ANAPC1: variants seen among roughly 807,000 people sequenced by gnomAD.
ANAPC1 encodes anaphase promoting complex subunit 1.
ANAPC1 carries 36 observed loss-of-function variants against 208.0 expected under a neutral mutation model. The observed-to-expected ratio is 0.17, with a 90% confidence interval of 0.13 to 0.23. The LOEUF is 0.23. ANAPC1 is among the 10% of genes least tolerant of loss of function. The pLI, the probability that ANAPC1 is intolerant of heterozygous loss-of-function variation, is 1.00. For synonymous variants in ANAPC1, 378 were observed against 695.2 expected, an observed-to-expected ratio of 0.54 and a Z score of 7.18; for missense variants, 942 against 2,011.6, an observed-to-expected ratio of 0.47 and a Z score of 10.17.
At chr2:111,878,487 A>G (rs1683129736) in intron 3 of ANAPC1, among the ~76,000 whole-genome samples, 1 of 152,210 alleles carries the variant, frequency 6.6e-6, no homozygotes, top group Non-Finnish European at 1.5e-5. Context: ...CAATTATAGT[A>G]ATCATGTGTT....
intron 24 of ANAPC1, among the ~76,000 whole-genome samples, chr2:111,823,266 C>G (rs894655892): frequency 3.3e-5 from 5 of 151,842 alleles, no homozygotes; most frequent in African/African-American, 1.2e-4. Flanking sequence ...ATCCACCCGC[C>G]TCGGCCTCCC....
At position 111,767,760 on chromosome 2, in the gene ANAPC1, A is replaced by C. The variant is rs1470418094; in HGVS notation, c.*1531T>G. 2.6e-5 allele frequency: 4 copies of C among 151,126 alleles called. No homozygotes were observed. The East Asian group carries it at 7.8e-4, about 29-fold the overall frequency. 9.4% of individuals were successfully genotyped at this position (151,126 alleles called of 1,614,324 possible). ...ATCTTGATTCAAATGGAATTTTCAT[A>C]ATCTACCACTTAAAATTTATTTTTA... On this transcript the variant is annotated 3_prime_UTR_variant, in exon 48 of 48. Coordinates refer to ENST00000341068, the MANE Select transcript of ANAPC1 (RefSeq NM_022662.4).
chr2:111,860,142 A>G (rs1681976186), intron 10 of ANAPC1, among the ~76,000 whole-genome samples: 1 of 151,776 alleles, frequency 6.6e-6, no homozygotes, highest in East Asian at 1.9e-4. Context: ...TGCAAAAATT[A>G]CAAAAAATTA....
chr2:111,833,967 CACACAAGTATG>C (rs1174077461), intron 19 of ANAPC1, among the ~76,000 whole-genome samples: 1 of 152,198 alleles, frequency 6.6e-6, no homozygotes, highest in Non-Finnish European at 1.5e-5. Flanking sequence ...GGTCAAACAA[CACACAAGTATG>C]ACCCTAGAAT....
chr2:111,851,053 A>T, intron 13 of ANAPC1, 143 bp from the exon 14 acceptor site: 1 of 1,089,010 alleles, frequency 9.2e-7, no homozygotes, highest in East Asian at 2.7e-5. Context: ...GAAACAATTC[A>T]AATGTCAATA....
intron 17 of ANAPC1, 39 bp downstream of exon 17, chr2:111,843,373 A>G (rs1680872529): frequency 6.2e-7 from 1 of 1,605,320 alleles, no homozygotes; most frequent in Non-Finnish European, 8.5e-7. Context: ...CATTACATTA[A>G]CAGAATAACT....
chr2:111,879,582 T>C (rs1388644069), intron 2 of ANAPC1, among the ~76,000 whole-genome samples: 5 of 152,178 alleles, frequency 3.3e-5, no homozygotes, highest in African/African-American at 1.2e-4. Context: ...ACTTAAGAAC[T>C]ATTACTCGCC....
intron 2 of ANAPC1, among the ~76,000 whole-genome samples, chr2:111,879,646 G>A (rs1267237089): frequency 1.3e-5 from 2 of 152,090 alleles, no homozygotes; most frequent in African/African-American, 2.4e-5. Flanking sequence ...CGTGGCAGGT[G>A]GATCACCTGA....
Position 111,825,858 on chromosome 2 carries a change from G to C in ANAPC1, c.2626-3C>G. On this transcript the variant is annotated splice_polypyrimidine_tract_variant and splice_region_variant and intron_variant, in intron 21 of 47. Transcript: ENST00000341068. ...CCAAGTATGTACAGTGCAATACTCT[G>C]CAAAGGAAGAAAATTAACATTATTT... 1 of 1,597,264 alleles carries C rather than the reference G, an allele frequency of 6.3e-7. No individual in the cohort carries two copies. Among genetic ancestry groups the C allele is most frequent in the Non-Finnish European group, 8.5e-7 (1 of 1,170,030 alleles).
chr2:111,787,585 G>A (rs191720199), intron 39 of ANAPC1, among the ~76,000 whole-genome samples: 1 of 152,228 alleles, frequency 6.6e-6, no homozygotes, highest in East Asian at 1.9e-4. Context: ...TGTCTTATAG[G>A]GGCTATTTTA....
chr2:111,823,727 C>T (rs1196308555), intron 24 of ANAPC1, among the ~76,000 whole-genome samples: 2 of 151,838 alleles, frequency 1.3e-5, no homozygotes, highest in Non-Finnish European at 2.9e-5. Flanking sequence ...TACATAAGAC[C>T]TAGCAATTTA....
At chr2:111,803,094 G>T (rs1678518398) in intron 32 of ANAPC1, 1 of 153,346 alleles carries the variant, frequency 6.5e-6, no homozygotes, top group South Asian at 8.1e-5. Context: ...CACACTAAAT[G>T]ATAAGTATTT....
Position 111,834,713 on chromosome 2 carries a change from T to A in ANAPC1, c.2275A>T (p.Ile759Leu). The change falls in exon 19 of 48, where the codon ATA becomes TTA. Residue 759 changes from isoleucine to leucine, a missense_variant. Coordinates refer to ENST00000341068, the MANE Select transcript of ANAPC1 (RefSeq NM_022662.4). ...TGAAGAACGAAAAAAATTGCAGGTA[T>A]GTGAGTAAAGAGAAGTGTAGAAGAA... ...LDSSTLLFTH[I>L]PAIFFVLHLV... is the part of the protein sequence containing the mutation. 1 of 1,613,554 alleles carries A rather than the reference T, an allele frequency of 6.2e-7. No homozygotes were observed.
intron 5 of ANAPC1, chr2:111,873,102 T>A: frequency 1.7e-6 from 1 of 578,814 alleles, no homozygotes; most frequent in East Asian, 3.2e-5. Context: ...ACAGAAGACT[T>A]CCTAATTTAC....
chr2:111,883,809 A>C (rs2104628461), intron 1 of ANAPC1, 133 bp downstream of exon 1: 1 of 152,558 alleles, frequency 6.6e-6, no homozygotes, highest in African/African-American at 2.4e-5. Flanking sequence ...AGCACGCTCA[A>C]GGCCCTCCCT....
intron 39 of ANAPC1, 85 bp from the exon 40 acceptor site, chr2:111,785,562 CA>C (rs1677503578): frequency 1.2e-6 from 1 of 865,472 alleles, no homozygotes. Context: ...TAAGCTAAGA[CA>C]GGACAGAAGC....
intron 19 of ANAPC1, 95 bp from the exon 20 acceptor site, chr2:111,833,406 A>C (rs1282562620): frequency 2.2e-6 from 3 of 1,368,080 alleles, no homozygotes; most frequent in Non-Finnish European, 2.9e-6. Flanking sequence ...TAATTTAAAA[A>C]CTTACATATG....
intron 41 of ANAPC1, 46 bp downstream of exon 41, chr2:111,784,277 G>A (rs1444153105): frequency 1.2e-6 from 2 of 1,613,978 alleles, no homozygotes; most frequent in East Asian, 2.2e-5. Context: ...ATGCCATTCT[G>A]TTGAATTGAC....
chr2:111,848,022 T>C (rs1238575257), intron 14 of ANAPC1, among the ~76,000 whole-genome samples, 157 bp from the exon 15 acceptor site: 2 of 152,000 alleles, frequency 1.3e-5, no homozygotes, highest in Middle Eastern at 3.4e-3. Context: ...GGTGCACACC[T>C]GTATAGTCCC....
Sources: gnomAD v4.1 joint callset for allele counts (sites outside exome capture counted in the v4.1 genomes callset) on GRCh38, gnomAD v4.1.1 for gene constraint, MANE v1.5 for transcripts, NCBI Gene and HGNC (gene_info 2026-07-23, HGNC 2026-07-21) for gene names.